Variants in ABLIM2 observed in about 807,000 individuals in gnomAD.
ABLIM2 encodes the protein actin-binding LIM protein 2.
A neutral mutation model predicts 97.7 loss-of-function variants in ABLIM2; 53 were observed. The ratio of observed to expected loss-of-function variants is 0.54; its 90% CI spans 0.44 to 0.68. The LOEUF (loss-of-function observed/expected upper bound fraction) is 0.68. ABLIM2 is among the 30% of genes least tolerant of loss of function. The pLI, the probability that ABLIM2 is intolerant of heterozygous loss-of-function variation, is 0.00. For missense variants in ABLIM2, 835 were observed against 867.2 expected (o/e 0.96, Z 0.47); for synonymous variants, 361 against 345.8 (o/e 1.04, Z -0.49).
chr4:8,100,445 T>C (rs1189526428), intron 2 of ABLIM2, among the ~76,000 whole-genome samples: 1 of 151,984 alleles, frequency 6.6e-6, no homozygotes, highest in Non-Finnish European at 1.5e-5. Context: ...ATGGTGGCTG[T>C]AAGAAATCAG....
intron 3 of ABLIM2, among the ~76,000 whole-genome samples, chr4:8,091,302 ATATTATATATATATAATTATATATATAT>A (rs1827330242): frequency 7.4e-5 from 3 of 40,726 alleles, no homozygotes; most frequent in Non-Finnish European, 1.2e-4. Flanking sequence ...ATTATATATT[ATATTATATATATATAATTATATATATAT>A]TATATATATA....
intron 20 of ABLIM2, among the ~76,000 whole-genome samples, chr4:7,971,592 G>A (rs1176468228): frequency 1.3e-5 from 2 of 152,228 alleles, no homozygotes; most frequent in Admixed American, 1.3e-4. Context: ...TAGGTGGCTT[G>A]ACCTTTCCTC....
At chr4:8,010,676 T>TC in intron 14 of ABLIM2, 1 of 814,834 alleles carries the variant, frequency 1.2e-6, no homozygotes, top group Non-Finnish European at 1.5e-6. Flanking sequence ...AGCGTGAAAA[T>TC]ACAAAGCCCT....
intron 8 of ABLIM2, among the ~76,000 whole-genome samples, chr4:8,051,542 G>C (rs1165591089): frequency 3.2e-5 from 4 of 125,080 alleles, no homozygotes; most frequent in Non-Finnish European, 4.7e-5. Context: ...CCAGCCTGAA[G>C]ACAGAGCGAG....
intron 2 of ABLIM2, among the ~76,000 whole-genome samples, chr4:8,098,081 C>T (rs1185372013): frequency 6.6e-6 from 1 of 152,326 alleles, no homozygotes; most frequent in South Asian, 2.1e-4. Flanking sequence ...GAGACCCGAT[C>T]GCATTCCTCC....
intron 9 of ABLIM2, among the ~76,000 whole-genome samples, chr4:8,038,790 T>A (rs1481628375): frequency 6.6e-6 from 1 of 152,220 alleles, no homozygotes; most frequent in Non-Finnish European, 1.5e-5. Flanking sequence ...TCATGAGATC[T>A]GATCCTGCAG....
intron 1 of ABLIM2, among the ~76,000 whole-genome samples, chr4:8,157,505 G>A (rs1038890785): frequency 2.6e-5 from 4 of 152,204 alleles, no homozygotes; most frequent in Admixed American, 6.5e-5. Context: ...AAAGGCTCCC[G>A]GCAACGCCGT....
rs1159770286 is a variant in ABLIM2 at position 8,113,566 on chromosome 4, G to A, written c.11-6929C>T. On this transcript the variant is annotated intron_variant, in intron 1 of 20. Coordinates refer to ENST00000447017, the MANE Select transcript of ABLIM2 (RefSeq NM_001130083.2). The surrounding 1 kb of genome is among the most constrained non-coding windows in gnomAD (Gnocchi z 4.5). ...CTTGCTTTCCTCATTTGCTCTGGAG[G>A]TAAATCCACCTTGAGAATGGGCAGG... is the stretch of plus-strand genomic sequence containing the variant. Among the ~76,000 whole-genome samples, 2 of 152,160 alleles carry A rather than the reference G, an allele frequency of 1.3e-5. No homozygotes were observed. Among genetic ancestry groups the A allele is most frequent in the African/African-American group, 4.8e-5 (2 of 41,430 alleles).
chr4:8,053,093 C>G (rs539423921), intron 8 of ABLIM2, among the ~76,000 whole-genome samples: 24 of 152,346 alleles, frequency 1.6e-4, no homozygotes, highest in Middle Eastern at 6.8e-3. Flanking sequence ...AATCACTAAG[C>G]TAAAGGGAAA....
intron 14 of ABLIM2, among the ~76,000 whole-genome samples, chr4:8,017,053 A>G (rs17795125): frequency 0.032 from 4,863 of 152,264 alleles, 110 homozygotes; most frequent in Middle Eastern, 0.065. Context: ...GTTTAATACC[A>G]TGAGTGACCC....
intron 4 of ABLIM2, 74 bp from the exon 5 acceptor site, chr4:8,080,876 A>C: frequency 6.6e-7 from 1 of 1,514,042 alleles, no homozygotes; most frequent in Non-Finnish European, 8.9e-7. Flanking sequence ...TGCTCTCCAC[A>C]CTCCGTGAAG....
At chr4:8,104,508 C>A (rs150140179) in intron 2 of ABLIM2, among the ~76,000 whole-genome samples, 105 of 152,334 alleles carry the variant, frequency 6.9e-4, no homozygotes, top group African/African-American at 2.5e-3. Flanking sequence ...ATTCTTGGGG[C>A]ATCAAGTGCC....
intron 1 of ABLIM2, among the ~76,000 whole-genome samples, chr4:8,131,478 T>C (rs1314749254): frequency 1.3e-5 from 2 of 152,168 alleles, no homozygotes; most frequent in Admixed American, 1.3e-4. Flanking sequence ...ACGAGAACTA[T>C]GATGACTTTA....
In ABLIM2 at chr4:8,076,143, G is replaced by C. The variant is rs868454612; in HGVS notation, c.675+1485C>G. ...GGCATCCAGCCCCCTGGAGTCTGCA[G>C]CTGGGGAAGTGAGACACAGTGACTG... On this transcript the variant is annotated intron_variant, in intron 6 of 20. Transcript: ENST00000447017. Among the ~76,000 whole-genome samples the C allele has an allele frequency of 2.6e-5, 4 of 152,346 alleles. No homozygotes were observed. The South Asian group carries it at 8.3e-4, about 32-fold the overall frequency.
At chr4:8,103,812 G>A (rs966992498) in intron 2 of ABLIM2, among the ~76,000 whole-genome samples, 1 of 152,250 alleles carries the variant, frequency 6.6e-6, no homozygotes. Context: ...AGGAGGTGAT[G>A]AGCTTGACTC....
chr4:7,981,869 C>T (rs180897721), intron 20 of ABLIM2, among the ~76,000 whole-genome samples: 35 of 152,222 alleles, frequency 2.3e-4, no homozygotes, highest in African/African-American at 4.3e-4. Context: ...GCAGTGGGTG[C>T]GTGCTCAGTG....
intron 1 of ABLIM2, among the ~76,000 whole-genome samples, chr4:8,154,840 A>T (rs1714742371): frequency 6.6e-6 from 1 of 152,242 alleles, no homozygotes; most frequent in African/African-American, 2.4e-5. Context: ...TAAAGGAAAT[A>T]GGTTTCATGG....
chr4:8,051,349 C>A (rs1795917676), intron 8 of ABLIM2, among the ~76,000 whole-genome samples: 1 of 151,704 alleles, frequency 6.6e-6, no homozygotes. Context: ...GAGATTGAGA[C>A]CATCCTGGTC....
In ABLIM2 at chr4:8,060,975, T is replaced by C. The variant is rs1034891941; in HGVS notation, c.755A>G (p.Tyr252Cys). The C allele has an allele frequency of 6.3e-7, 1 of 1,588,728 alleles. No individual in the cohort carries two copies. Among genetic ancestry groups the C allele is most frequent in the Non-Finnish European group, 8.6e-7 (1 of 1,167,340 alleles). Residue 252 changes from tyrosine (Y) to cysteine (C), a missense_variant, in exon 7 of 21, where the codon TAT becomes TGT. Transcript: ENST00000447017. Reference sequence around the variant, plus strand: ...CACATTTTAATTTGTACCTTGAAGATACATCTCTTCGCCTTCTGCAAACAT... The same window carrying C: ...CACATTTTAATTTGTACCTTGAAGACACATCTCTTCGCCTTCTGCAAACAT... ...GQMFAEGEEM[Y>C]LQGSSIWHPA...
Sources: allele counts gnomAD v4.1 joint callset (sites outside exome capture counted in the v4.1 genomes callset), GRCh38; gene constraint gnomAD v4.1.1; non-coding constraint Gnocchi (gnomAD v3.1); transcripts MANE v1.5; gene names NCBI Gene and HGNC (gene_info 2026-07-23, HGNC 2026-07-21).